Variants in SIX4 observed in about 807,000 individuals in gnomAD.
The protein encoded by SIX4 is SIX homeobox 4.
SIX4 carries 23 observed loss-of-function variants against 51.5 expected under a neutral mutation model. That is an observed-to-expected ratio of 0.45 (90% CI 0.32 to 0.63). The LOEUF is 0.63. Among genes scored for constraint, SIX4 ranks in the 30% least tolerant of loss-of-function variants. The pLI is 0.04. For synonymous variants in SIX4, 413 were observed against 417.3 expected (o/e 0.99, Z 0.13); for missense variants, 867 against 984.0 (o/e 0.88, Z 1.59).
At chr14:60,721,727 G>A (rs2140271640) in intron 1 of SIX4, among the ~76,000 whole-genome samples, 1 of 152,352 alleles carries the variant, frequency 6.6e-6, no homozygotes, top group East Asian at 1.9e-4. Flanking sequence ...GGAGCAGCTG[G>A]CCTGCTCGCG....
chr14:60,710,802 C>G lies in SIX4; in HGVS notation c.*2605G>C, dbSNP rs978305104. On this transcript the variant is annotated 3_prime_UTR_variant, in exon 3 of 3. Coordinates refer to ENST00000216513, the MANE Select transcript of SIX4 (RefSeq NM_017420.5). ...AGAAAAGAACAATAAGTTCTTTATA[C>G]TGTGCATTGATTCTTACCTGGTATA... The G allele has an allele frequency of 6.6e-6, 1 of 152,532 alleles. No homozygotes were observed. Among genetic ancestry groups the G allele is most frequent in the African/African-American group, 2.4e-5 (1 of 41,402 alleles). 9.4% of individuals were successfully genotyped at this position (152,532 alleles called of 1,614,324 possible).
chr14:60,715,703 C>T (rs1186078497), intron 2 of SIX4, among the ~76,000 whole-genome samples: 1 of 152,104 alleles, frequency 6.6e-6, no homozygotes, highest in African/African-American at 2.4e-5. Flanking sequence ...AATTAGACCC[C>T]CCACTACCAT....
Position 60,723,209 on chromosome 14 carries a change from C to A in SIX4, c.863+3G>T. 6.3e-7 allele frequency: 1 copy of A among 1,598,548 alleles called. No homozygotes were observed. The highest frequency in any genetic ancestry group is 1.1e-5 in the South Asian group (1 of 89,776). On this transcript the variant is annotated splice_donor_region_variant and intron_variant, in intron 1 of 2. Coordinates refer to ENST00000216513, the MANE Select transcript of SIX4 (RefSeq NM_017420.5). ...GGGGAGGAGGAGGAAAGTTGGCGCT[C>A]ACCTTTTGGACTGGGTCTCGGAGGG...
In SIX4 at chr14:60,719,957, G is replaced by T; in HGVS notation, c.1352C>A (p.Thr451Asn). The T allele has an allele frequency of 6.2e-7, 1 of 1,614,198 alleles. No homozygotes were observed. Among genetic ancestry groups the T allele is most frequent in the Non-Finnish European group, 8.5e-7 (1 of 1,180,038 alleles). ...PVSFPGLIPS[T>N]EVKREGIQTV... ...TTGAATGCCTTCTCTTTTCACCTCAGTGCTGGGTATCAGGCCTGGGAATGA... is the reference window on the plus strand; with the variant it reads ...TTGAATGCCTTCTCTTTTCACCTCATTGCTGGGTATCAGGCCTGGGAATGA... Residue 451 changes from threonine to asparagine, a missense_variant, in exon 2 of 3, where the codon ACT (threonine) becomes AAT (asparagine). Physicochemically the swap from Thr to Asn is moderately conservative, Grantham distance 65 (BLOSUM62 0). Transcript: ENST00000216513. This position sits in a 1 kb window ranked among gnomAD's most constrained non-coding sequence, Gnocchi z 4.9.
In SIX4 at chr14:60,724,057, G is replaced by C; in HGVS notation, c.18C>G (p.Pro6=). The C allele has an allele frequency of 1.3e-6, 2 of 1,543,688 alleles. No homozygotes were observed. Among genetic ancestry groups the C allele is most frequent in the South Asian group, 1.2e-5 (1 of 80,012 alleles). Reference sequence around the variant, plus strand: ...CCGCCGCACTTGCGATCTGCCCGGTGGGGGAGGAAGAGGACATTTTTTGTT... The same window carrying C: ...CCGCCGCACTTGCGATCTGCCCGGTCGGGGAGGAAGAGGACATTTTTTGTT... The part of the protein sequence containing the change: MSSSS[P]TGQIASAADI... Residue 6 remains proline (P), a synonymous_variant, in exon 1 of 3, where the codon CCC becomes CCG. Coordinates refer to ENST00000216513, the MANE Select transcript of SIX4 (RefSeq NM_017420.5).
At position 60,712,165 on chromosome 14, in the gene SIX4, G is replaced by A. The variant is rs561097297; in HGVS notation, c.*1242C>T. 2.0e-5 allele frequency: 3 copies of A among 152,490 alleles called. No homozygotes were observed. The highest frequency in any genetic ancestry group is 4.4e-5 in the Non-Finnish European group (3 of 67,998). The allele number at this position is 152,490 out of a possible 1,614,324, so 9.4% of individuals were successfully genotyped here. ...TACATATTTTCTTTCCTTTAAAATG[G>A]TTTTCATAGCCTGTATAATCAATTT... On this transcript the variant is annotated 3_prime_UTR_variant, in exon 3 of 3. Coordinates refer to ENST00000216513, the MANE Select transcript of SIX4 (RefSeq NM_017420.5).
At chr14:60,718,823 G>A (rs1895967566) in intron 2 of SIX4, among the ~76,000 whole-genome samples, 1 of 152,080 alleles carries the variant, frequency 6.6e-6, no homozygotes, top group Admixed American at 6.5e-5. Flanking sequence ...GATTTTTTTG[G>A]GGGGGTGGTA....
chr14:60,719,618 A>G lies in SIX4; in HGVS notation c.1549+142T>C. On this transcript the variant is annotated intron_variant, in intron 2 of 2. Transcript: ENST00000216513. This position sits in a 1 kb window ranked among gnomAD's most constrained non-coding sequence, Gnocchi z 4.9. ...ATGGGTATTGTGAAAGAGGAGAATC[A>G]CATCAAGGCTACTCTACAGCTTCGG... 1.3e-6 allele frequency: 1 copy of G among 796,364 alleles called. No individual in the cohort carries two copies. Among genetic ancestry groups the G allele is most frequent in the Non-Finnish European group, 1.9e-6 (1 of 516,302 alleles). 49.3% of individuals were successfully genotyped at this position (796,364 alleles called of 1,614,324 possible).
rs757073030 is a variant in SIX4 at position 60,713,778 on chromosome 14, T to C, written c.1975A>G (p.Thr659Ala). ...SKSTVTSVSNTNYATLQNCSL... is the reference protein window; with the variant it reads ...SKSTVTSVSNANYATLQNCSL... The stretch of plus-strand genomic sequence containing the variant: ...CAGTTCTGAAGAGTTGCATAGTTAG[T>C]GTTGCTGACAGATGTCACAGTAGAT... The change falls in exon 3 of 3, where the codon ACT becomes GCT. Residue 659 changes from threonine to alanine, a missense_variant. Thr to Ala is a moderately conservative substitution (Grantham distance 58, BLOSUM62 0). Coordinates refer to ENST00000216513, the MANE Select transcript of SIX4 (RefSeq NM_017420.5). 2.5e-6 allele frequency: 4 copies of C among 1,614,194 alleles called. No homozygotes were observed. Among genetic ancestry groups the C allele is most frequent in the Non-Finnish European group, 2.5e-6 (3 of 1,180,028 alleles).
chr14:60,724,107 C>T lies in SIX4; in HGVS notation c.-33G>A, dbSNP rs771836828. 3.1e-6 allele frequency: 5 copies of T among 1,588,310 alleles called. No homozygotes were observed. In the East Asian group the frequency reaches 1.1e-4, roughly 36 times the overall value. On this transcript the variant is annotated 5_prime_UTR_variant, in exon 1 of 3. Coordinates refer to ENST00000216513, the MANE Select transcript of SIX4 (RefSeq NM_017420.5). The stretch of plus-strand genomic sequence containing the variant: ...TGTTTATTTTCCTCCCTCCCTCACT[C>T]CCTCGCACTCTTTTCCTCTTTCTTT...
At chr14:60,716,979 AT>A (rs1895931055) in intron 2 of SIX4, among the ~76,000 whole-genome samples, 2 of 152,242 alleles carry the variant, frequency 1.3e-5, no homozygotes, top group African/African-American at 4.8e-5. Flanking sequence ...ATTCTCTTAC[AT>A]TTCTGTTTCA....
At position 60,712,663 on chromosome 14, in the gene SIX4, A is replaced by G. The variant is rs1196346531; in HGVS notation, c.*744T>C. ...TGTTCAAACAATAAAAATAAATTAA[A>G]CAGTAAGAAAACATATTTTTCAGTT... On this transcript the variant is annotated 3_prime_UTR_variant, in exon 3 of 3. Transcript: ENST00000216513. 1.3e-5 allele frequency: 2 copies of G among 152,630 alleles called. No homozygotes were observed. The highest frequency in any genetic ancestry group is 1.5e-5 in the Non-Finnish European group (1 of 68,028). 9.5% of individuals were successfully genotyped at this position (152,630 alleles called of 1,614,324 possible).
In SIX4 at chr14:60,719,209, G is replaced by A. The variant is rs780866399; in HGVS notation, c.1549+551C>T. On this transcript the variant is annotated intron_variant, in intron 2 of 2. Transcript: ENST00000216513. The surrounding 1 kb of genome is among the most constrained non-coding windows in gnomAD (Gnocchi z 4.9). ...TAGGGGGTTAGTATATATGCTGAGC[G>A]ATAGAAATCCAATGGCATATTCCTC... Among the ~76,000 whole-genome samples, 7 of 152,132 alleles carry A rather than the reference G, an allele frequency of 4.6e-5. No individual in the cohort carries two copies. Among genetic ancestry groups the A allele is most frequent in the Non-Finnish European group, 7.4e-5 (5 of 68,006 alleles).
chr14:60,723,042 G>T, intron 1 of SIX4, 170 bp downstream of exon 1: 1 of 1,396,178 alleles, frequency 7.2e-7, no homozygotes, highest in Non-Finnish European at 9.3e-7. Flanking sequence ...CGCCTCCGCC[G>T]CCCCCTACCT....
rs1363466097 is a variant in SIX4, at chr14:60,713,466, T to G, written c.2287A>C (p.Lys763Gln). The change falls in exon 3 of 3, where the codon AAA becomes CAA. Residue 763 changes from lysine (K) to glutamine (Q), a missense_variant. Transcript: ENST00000216513. ...GTCTGGAGCTTGGCAAGCTCTTTTT[T>G]GTCTGTTTCCAGGTCTTCACAGACA... ...DTVCEDLETD[K>Q]KELAKLQTVQ... The G allele has an allele frequency of 2.5e-6, 4 of 1,614,036 alleles. No homozygotes were observed. The Admixed American group carries it at 5.0e-5, about 20-fold the overall frequency.
At chr14:60,723,054 T>A in intron 1 of SIX4, 158 bp downstream of exon 1, 1 of 1,405,600 alleles carries the variant, frequency 7.1e-7, no homozygotes, top group African/African-American at 1.5e-5. Context: ...CCCCTACCTC[T>A]GCCGGCCGGG....
rs904647468 is a variant in SIX4, at chr14:60,713,156, C to T, written c.*251G>A. Reference sequence around the variant, plus strand: ...CTAAATGATTCACTTTGACTTGATACATTTCACCTTGTCCTTTGTCTCCAT... The same window carrying T: ...CTAAATGATTCACTTTGACTTGATATATTTCACCTTGTCCTTTGTCTCCAT... On this transcript the variant is annotated 3_prime_UTR_variant, in exon 3 of 3. Transcript: ENST00000216513. 1 of 376,450 alleles carries T rather than the reference C, an allele frequency of 2.7e-6. No homozygotes were observed. 23.3% of individuals were successfully genotyped at this position (376,450 alleles called of 1,614,324 possible).
intron 1 of SIX4, among the ~76,000 whole-genome samples, chr14:60,721,425 G>C (rs1896016920): frequency 6.6e-6 from 1 of 152,202 alleles, no homozygotes; most frequent in African/African-American, 2.4e-5. Context: ...CCCCGCGGTC[G>C]GTTCGCTTTC....
chr14:60,722,499 A>G lies in SIX4; in HGVS notation c.863+713T>C, dbSNP rs542525485. On this transcript the variant is annotated intron_variant, in intron 1 of 2. Transcript: ENST00000216513. This position sits in a 1 kb window ranked among gnomAD's most constrained non-coding sequence, Gnocchi z 5.9. The stretch of plus-strand genomic sequence containing the variant: ...GCTGCGCTGAAACCCGATCCTAAGG[A>G]GTTCAGAATCAGGTTTCAAAACATG... Among the ~76,000 whole-genome samples, 41 of 152,214 alleles carry G rather than the reference A, an allele frequency of 2.7e-4. No individual in the cohort carries two copies. Among genetic ancestry groups the G allele is most frequent in the Middle Eastern group, 3.4e-3 (1 of 294 alleles).
Sources: allele counts gnomAD v4.1 joint callset (sites outside exome capture counted in the v4.1 genomes callset), GRCh38; gene constraint gnomAD v4.1.1; non-coding constraint Gnocchi (gnomAD v3.1); transcripts MANE v1.5; gene names NCBI Gene and HGNC (gene_info 2026-07-23, HGNC 2026-07-21).